The following EIPR1 variants were observed in gnomAD, a reference collection of about 807,000 sequenced individuals.
EIPR1 encodes the protein EARP and GARP complex-interacting protein 1.
EIPR1 carries 25 observed loss-of-function variants against 48.1 expected under a neutral mutation model. The observed-to-expected ratio is 0.52, with a 90% confidence interval of 0.38 to 0.73. EIPR1 has a LOEUF of 0.73. Among genes scored for constraint, EIPR1 ranks in the 30% least tolerant of loss-of-function variants. The pLI, the probability that EIPR1 is intolerant of heterozygous loss-of-function variation, is 0.00. For missense variants in EIPR1, 415 were observed against 506.2 expected (o/e 0.82, Z 1.73); for synonymous variants, 204 against 201.9 (o/e 1.01, Z -0.09).
At chr2:3,326,115 G>T (rs1429045956) in intron 3 of EIPR1, among the ~76,000 whole-genome samples, 2 of 152,224 alleles carry the variant, frequency 1.3e-5, no homozygotes, top group Non-Finnish European at 2.9e-5. Flanking sequence ...CCTGGACTGG[G>T]CATAAGGTGT....
chr2:3,247,231 C>T (rs1666861991), intron 4 of EIPR1, among the ~76,000 whole-genome samples: 1 of 152,150 alleles, frequency 6.6e-6, no homozygotes, highest in Non-Finnish European at 1.5e-5. Context: ...TAGGACGACT[C>T]TTGATATACC....
chr2:3,194,739 G>C (rs2103105998), intron 6 of EIPR1, among the ~76,000 whole-genome samples: 1 of 152,078 alleles, frequency 6.6e-6, no homozygotes, highest in South Asian at 2.1e-4. Context: ...GAAGGGGCCG[G>C]CTATCTATCT....
intron 3 of EIPR1, among the ~76,000 whole-genome samples, chr2:3,302,250 G>A (rs986039811): frequency 1.3e-5 from 2 of 152,190 alleles, no homozygotes; most frequent in African/African-American, 4.8e-5. Context: ...AATGTCTAAT[G>A]AATCACAGGA....
intron 3 of EIPR1, among the ~76,000 whole-genome samples, chr2:3,292,106 A>T (rs1009109675): frequency 1.3e-5 from 2 of 152,220 alleles, no homozygotes; most frequent in Admixed American, 6.5e-5. Context: ...CTCCATGCTA[A>T]CATCACTCAG....
chr2:3,250,421 A>G (rs181987451), intron 4 of EIPR1, among the ~76,000 whole-genome samples: 175 of 152,258 alleles, frequency 1.1e-3, no homozygotes, highest in Non-Finnish European at 1.8e-3. Flanking sequence ...CTGCACCCCC[A>G]TTGTAATTTG....
At chr2:3,292,467 C>T (rs1668399097) in intron 3 of EIPR1, among the ~76,000 whole-genome samples, 1 of 152,176 alleles carries the variant, frequency 6.6e-6, no homozygotes, top group African/African-American at 2.4e-5. Flanking sequence ...GCGGGGACAG[C>T]CCCCCGTACC....
At chr2:3,356,022 T>C (rs564735911) in intron 1 of EIPR1, among the ~76,000 whole-genome samples, 1 of 152,162 alleles carries the variant, frequency 6.6e-6, no homozygotes, top group Non-Finnish European at 1.5e-5. Context: ...TTGGGAACTA[T>C]TCCATGTTGG....
At chr2:3,344,976 A>G (rs1160129327) in intron 2 of EIPR1, among the ~76,000 whole-genome samples, 1 of 152,174 alleles carries the variant, frequency 6.6e-6, no homozygotes, top group Non-Finnish European at 1.5e-5. Context: ...AGGCAATTAA[A>G]GCATAGGGTA....
At chr2:3,363,113 G>A (rs1442659945) in intron 1 of EIPR1, among the ~76,000 whole-genome samples, 1 of 152,120 alleles carries the variant, frequency 6.6e-6, no homozygotes, top group Non-Finnish European at 1.5e-5. Context: ...TATGTCGTCA[G>A]CATTCCTGCC....
intron 1 of EIPR1, among the ~76,000 whole-genome samples, chr2:3,356,703 A>T (rs1429169313): frequency 1.3e-5 from 2 of 152,192 alleles, no homozygotes; most frequent in East Asian, 3.9e-4. Context: ...ATTTAATCGC[A>T]TGGGTCACTG....
At chr2:3,223,249 A>G (rs891811034) in intron 4 of EIPR1, among the ~76,000 whole-genome samples, 3 of 152,144 alleles carry the variant, frequency 2.0e-5, no homozygotes, top group Non-Finnish European at 2.9e-5. Flanking sequence ...CTGATCCACA[A>G]AGGTCGCTGG....
In EIPR1 at chr2:3,323,486, C is replaced by T. The variant is rs183119371; in HGVS notation, c.259+14531G>A. On this transcript the variant is annotated intron_variant, in intron 3 of 8. Coordinates refer to ENST00000382125, the MANE Select transcript of EIPR1 (RefSeq NM_003310.5). ...CCTTAAGTTTCCTCCGAGCCCTGCA[C>T]GCGACAAGGTCTTCATTCTGCATTT... Among the ~76,000 whole-genome samples, 189 of 152,308 alleles carry T rather than the reference C, an allele frequency of 1.2e-3. 1 individual carries two copies. The highest frequency in any genetic ancestry group is 4.5e-3 in the African/African-American group (186 of 41,580).
intron 3 of EIPR1, among the ~76,000 whole-genome samples, chr2:3,278,220 T>G (rs1024645401): frequency 6.6e-6 from 1 of 152,074 alleles, no homozygotes; most frequent in Non-Finnish European, 1.5e-5. Flanking sequence ...GAGACGCAGG[T>G]GGATGGCAAA....
At chr2:3,309,628 A>T (rs1669060303) in intron 3 of EIPR1, among the ~76,000 whole-genome samples, 1 of 152,112 alleles carries the variant, frequency 6.6e-6, no homozygotes, top group Non-Finnish European at 1.5e-5. Context: ...CCACCTCCCA[A>T]AACCCAGAGC....
At chr2:3,299,325 T>C (rs4546036) in intron 3 of EIPR1, among the ~76,000 whole-genome samples, 34,362 of 139,022 alleles carry the variant, frequency 0.25, 3,927 homozygotes, top group Non-Finnish European at 0.27. Context: ...CAGCTCACTG[T>C]CCTGGCCCCT....
intron 2 of EIPR1, among the ~76,000 whole-genome samples, chr2:3,342,170 G>C (rs960004949): frequency 6.6e-6 from 1 of 152,100 alleles, no homozygotes; most frequent in Non-Finnish European, 1.5e-5. Context: ...ATTATGAAAT[G>C]TTACATAGCT....
chr2:3,267,332 C>A (rs563873443), intron 3 of EIPR1, among the ~76,000 whole-genome samples: 2 of 152,336 alleles, frequency 1.3e-5, no homozygotes, highest in South Asian at 2.1e-4. Flanking sequence ...AGCAACACTG[C>A]AGTGTTGGTG....
chr2:3,346,063 T>G (rs1572470299), intron 2 of EIPR1, among the ~76,000 whole-genome samples: 1 of 152,198 alleles, frequency 6.6e-6, no homozygotes, highest in Non-Finnish European at 1.5e-5. Flanking sequence ...CAGCATGTTT[T>G]GTTCATCCGA....
intron 4 of EIPR1, among the ~76,000 whole-genome samples, chr2:3,234,637 T>C (rs1436799561): frequency 1.3e-5 from 2 of 152,266 alleles, no homozygotes; most frequent in Non-Finnish European, 2.9e-5. Context: ...TGGGGTCCCC[T>C]GCAGCCCCTG....
Sources: gnomAD v4.1 joint callset for allele counts (sites outside exome capture counted in the v4.1 genomes callset) on GRCh38, gnomAD v4.1.1 for gene constraint, MANE v1.5 for transcripts, NCBI Gene and HGNC (gene_info 2026-07-23, HGNC 2026-07-21) for gene names.